TBC1D22A: variants seen among roughly 807,000 people sequenced by gnomAD.
TBC1D22A encodes putative GTPase activator.
TBC1D22A carries 38 observed loss-of-function variants against 60.2 expected under a neutral mutation model. The observed-to-expected ratio is 0.63, with a 90% confidence interval of 0.49 to 0.83. TBC1D22A has a LOEUF of 0.83. Among genes scored for constraint, TBC1D22A ranks in the 40% least tolerant of loss-of-function variants. The pLI, the probability that TBC1D22A is intolerant of heterozygous loss-of-function variation, is 0.00. For synonymous variants in TBC1D22A, 302 were observed against 281.7 expected, an observed-to-expected ratio of 1.07 and a Z score of -0.72; for missense variants, 628 against 701.0, an observed-to-expected ratio of 0.90 and a Z score of 1.18.
In TBC1D22A at chr22:47,154,544, C is replaced by T. The variant is rs990397157; in HGVS notation, c.1426-18954C>T. On this transcript the variant is annotated intron_variant, in intron 12 of 12. Coordinates refer to ENST00000337137, the MANE Select transcript of TBC1D22A (RefSeq NM_014346.5). Reference sequence around the variant, plus strand: ...ACACTGTCCATCCCAGCCCCAAACCCGACAGCGTGCCAGGCTGGCTCCCTG... The same window carrying T: ...ACACTGTCCATCCCAGCCCCAAACCTGACAGCGTGCCAGGCTGGCTCCCTG... 5.9e-5 allele frequency among the ~76,000 whole-genome samples: 9 copies of T among 152,270 alleles called. No homozygotes were observed. In the East Asian group the frequency reaches 9.7e-4, roughly 16 times the overall value.
intron 11 of TBC1D22A, among the ~76,000 whole-genome samples, chr22:47,068,402 C>A (rs540468962): frequency 6.6e-6 from 1 of 152,186 alleles, no homozygotes; most frequent in East Asian, 1.9e-4. Context: ...CTCTGAAGTC[C>A]GTGTGTCAGT....
chr22:46,775,730 C>T (rs1265451093), intron 1 of TBC1D22A, among the ~76,000 whole-genome samples: 1 of 152,238 alleles, frequency 6.6e-6, no homozygotes, highest in Non-Finnish European at 1.5e-5. Flanking sequence ...CCTCAGCCGT[C>T]ATGCTTTTAA....
At chr22:46,866,119 T>C (rs570119505) in intron 4 of TBC1D22A, among the ~76,000 whole-genome samples, 20 of 152,346 alleles carry the variant, frequency 1.3e-4, no homozygotes, top group African/African-American at 4.3e-4. Flanking sequence ...TTTATCTATT[T>C]TTTGAGATGG....
intron 12 of TBC1D22A, among the ~76,000 whole-genome samples, chr22:47,144,231 A>G (rs895539438): frequency 6.6e-6 from 1 of 152,198 alleles, no homozygotes; most frequent in African/African-American, 2.4e-5. Context: ...AGAGCCGTGC[A>G]CTTGGGCTGC....
At chr22:46,888,819 C>T (rs145653263) in intron 5 of TBC1D22A, among the ~76,000 whole-genome samples, 2,880 of 152,304 alleles carry the variant, frequency 0.019, 47 homozygotes, top group South Asian at 0.045. Flanking sequence ...GATTCTCCTG[C>T]CTCAGCCTCC....
rs117458659 is a variant in TBC1D22A at position 46,863,836 on chromosome 22, C to T, written c.638-14817C>T. 1.4e-3 allele frequency among the ~76,000 whole-genome samples: 211 copies of T among 152,314 alleles called. 1 individual carries two copies. The East Asian group carries it at 0.024, about 18-fold the overall frequency. On this transcript the variant is annotated intron_variant, in intron 4 of 12. Coordinates refer to ENST00000337137, the MANE Select transcript of TBC1D22A (RefSeq NM_014346.5). The stretch of plus-strand genomic sequence containing the variant: ...ATAGCTTTCTCAGATGCTCCCCCTC[C>T]GTGAAGAATGCCTCCCTCCATTCTC...
chr22:47,132,832 G>A (rs1044780022), intron 12 of TBC1D22A, among the ~76,000 whole-genome samples: 3 of 150,486 alleles, frequency 2.0e-5, no homozygotes, highest in East Asian at 1.9e-4. Flanking sequence ...GAGTGTCCGC[G>A]GAAACGCCAT....
chr22:46,903,534 G>A (rs1440280404), intron 7 of TBC1D22A, among the ~76,000 whole-genome samples: 2 of 152,202 alleles, frequency 1.3e-5, no homozygotes, highest in African/African-American at 4.8e-5. Flanking sequence ...TCTGGTTGCT[G>A]CTCTGAGCGT....
intron 4 of TBC1D22A, 149 bp downstream of exon 4, chr22:46,797,769 T>C: frequency 1.2e-6 from 1 of 831,792 alleles, no homozygotes; most frequent in Non-Finnish European, 1.8e-6. Flanking sequence ...TTTCATGTAA[T>C]ATTTTCAAGT....
At chr22:46,890,449 A>G (rs560562114) in intron 5 of TBC1D22A, among the ~76,000 whole-genome samples, 110 of 152,326 alleles carry the variant, frequency 7.2e-4, no homozygotes, top group African/African-American at 2.5e-3. Flanking sequence ...ATCAGGTGTC[A>G]TAAGTCATCT....
At chr22:47,150,095 G>A (rs528116974) in intron 12 of TBC1D22A, among the ~76,000 whole-genome samples, 2 of 152,266 alleles carry the variant, frequency 1.3e-5, no homozygotes, top group Admixed American at 6.5e-5. Context: ...TGAGTGGACT[G>A]CATTTCTCCA....
intron 12 of TBC1D22A, among the ~76,000 whole-genome samples, chr22:47,167,050 T>C (rs1442222309): frequency 6.6e-6 from 1 of 152,260 alleles, no homozygotes; most frequent in African/African-American, 2.4e-5. Flanking sequence ...AGTATACAGC[T>C]AATGCATGTT....
chr22:46,843,852 G>A (rs2086879652), intron 4 of TBC1D22A, among the ~76,000 whole-genome samples: 1 of 152,054 alleles, frequency 6.6e-6, no homozygotes, highest in Non-Finnish European at 1.5e-5. Context: ...AGCCTGGGGA[G>A]TAGCACCCGG....
At chr22:46,817,039 T>A (rs2085630998) in intron 4 of TBC1D22A, among the ~76,000 whole-genome samples, 1 of 152,200 alleles carries the variant, frequency 6.6e-6, no homozygotes. Flanking sequence ...GCTTAGAAAA[T>A]TCTTTCTAAA....
intron 9 of TBC1D22A, among the ~76,000 whole-genome samples, chr22:46,992,713 G>A (rs136141): frequency 0.39 from 59,620 of 152,102 alleles, 12,530 homozygotes; most frequent in African/African-American, 0.55. Context: ...GGACTGATGC[G>A]TTAATGGCTT....
chr22:47,127,980 A>T, intron 12 of TBC1D22A, among the ~76,000 whole-genome samples: 1 of 12,250 alleles, frequency 8.2e-5, no homozygotes. Flanking sequence ...CACCCCACCC[A>T]TCCCCCCATC....
At chr22:46,940,434 A>C (rs1962549326) in intron 8 of TBC1D22A, among the ~76,000 whole-genome samples, 1 of 151,482 alleles carries the variant, frequency 6.6e-6, no homozygotes. Flanking sequence ...CTTGAACAGC[A>C]TGGGGACTGG....
intron 8 of TBC1D22A, among the ~76,000 whole-genome samples, chr22:46,954,210 G>T (rs950426792): frequency 3.3e-5 from 5 of 152,174 alleles, no homozygotes; most frequent in African/African-American, 1.2e-4. Context: ...CCCCAGTCCC[G>T]CTCTGCTTCT....
chr22:46,867,647 CTG>C (rs2147401693), intron 4 of TBC1D22A, among the ~76,000 whole-genome samples: 1 of 152,280 alleles, frequency 6.6e-6, no homozygotes, highest in Non-Finnish European at 1.5e-5. Context: ...GTCCAGGTAA[CTG>C]TGATGATAGT....
Sources: allele counts gnomAD v4.1 joint callset (sites outside exome capture counted in the v4.1 genomes callset), GRCh38; gene constraint gnomAD v4.1.1; transcripts MANE v1.5; gene names NCBI Gene and HGNC (gene_info 2026-07-23, HGNC 2026-07-21).